The following MYBPC2 variants were observed in gnomAD, a reference collection of about 807,000 sequenced individuals.
MYBPC2 encodes myosin binding protein C2.
MYBPC2 carries 122 observed loss-of-function variants against 137.0 expected under a neutral mutation model. That is an observed-to-expected ratio of 0.89 (90% CI 0.77 to 1.03). MYBPC2 has a LOEUF of 1.03. Among genes scored for constraint, MYBPC2 ranks in the 50% least tolerant of loss-of-function variants. The pLI, the probability that MYBPC2 is intolerant of heterozygous loss-of-function variation, is 0.00. For synonymous variants in MYBPC2, 626 were observed against 612.3 expected, an observed-to-expected ratio of 1.02 and a Z score of -0.33; for missense variants, 1,500 against 1,534.4, an observed-to-expected ratio of 0.98 and a Z score of 0.37.
chr19:50,448,191 A>G (rs369701742), intron 12 of MYBPC2, 34 bp from the exon 13 acceptor site: 8 of 1,593,838 alleles, frequency 5.0e-6, no homozygotes, highest in Admixed American at 1.8e-5. Flanking sequence ...TGACTAGAGT[A>G]GTGACGGCTC....
rs375654137 is a variant in MYBPC2, at chr19:50,455,586, G to T, written c.2280G>T (p.Pro760=). Residue 760 remains proline, a synonymous_variant, in exon 20 of 28, where the codon CCG becomes CCT. Coordinates refer to ENST00000357701, the MANE Select transcript of MYBPC2 (RefSeq NM_004533.4). ...CCACCACACTCAAGTGGAGGCCTCC[G>T]AACAGGATCGGGGCAGGTGGCATCG... ...DTTTTLKWRP[P]NRIGAGGIDG... is the part of the protein sequence containing the mutation. 56 of 1,613,862 alleles carry T rather than the reference G, an allele frequency of 3.5e-5. No individual in the cohort carries two copies. Among genetic ancestry groups the T allele is most frequent in the Non-Finnish European group, 4.6e-5 (54 of 1,179,900 alleles).
At chr19:50,452,775 C>G (rs2122603135) in intron 16 of MYBPC2, among the ~76,000 whole-genome samples, 1 of 152,212 alleles carries the variant, frequency 6.6e-6, no homozygotes, top group South Asian at 2.1e-4. Context: ...CCGGGCTGGG[C>G]TCAAACTCCT....
At chr19:50,456,383 TC>T (rs2039914131) in intron 20 of MYBPC2, among the ~76,000 whole-genome samples, 1 of 146,964 alleles carries the variant, frequency 6.8e-6, no homozygotes, top group Admixed American at 6.8e-5. Flanking sequence ...CATCTATCCA[TC>T]CATCCATCCA....
chr19:50,461,942 G>A lies in MYBPC2; in HGVS notation c.3134G>A (p.Arg1045Gln), dbSNP rs780178231. Residue 1045 changes from arginine (R) to glutamine (Q), a missense_variant, in exon 26 of 28, where the codon CGG becomes CAG. Coordinates refer to ENST00000357701, the MANE Select transcript of MYBPC2 (RefSeq NM_004533.4). ...KPFEYKEHDF[R>Q]MAPKFLTPLI... ...TTCGAGTATAAGGAGCATGACTTCCGGATGGCTCCCAAGTTCCTGACACCT... is the reference window on the plus strand; with the variant it reads ...TTCGAGTATAAGGAGCATGACTTCCAGATGGCTCCCAAGTTCCTGACACCT... The A allele has an allele frequency of 5.6e-6, 9 of 1,593,238 alleles. No individual in the cohort carries two copies. The highest frequency in any genetic ancestry group is 1.6e-4 in the Middle Eastern group (1 of 6,068).
chr19:50,464,573 C>G (rs777354241), intron 27 of MYBPC2, 41 bp downstream of exon 27: 5 of 1,553,420 alleles, frequency 3.2e-6, no homozygotes, highest in Admixed American at 1.9e-5. Flanking sequence ...GACCCTTGCT[C>G]GGGCCCTGTG....
Position 50,458,600 on chromosome 19 carries a change from C to T in MYBPC2, c.2352C>T (p.Val784=), listed in dbSNP as rs1480498983. The part of the protein sequence containing the change: ...EYCLEGSEEW[V]PANTEPVERC... ...CTCTCTCTCCAGCCGAGGAATGGGT[C>T]CCTGCCAACACCGAGCCCGTGGAGC... The change falls in exon 21 of 28, where the codon GTC becomes GTT. Residue 784 remains valine, a synonymous_variant. Transcript: ENST00000357701. 3 of 1,612,148 alleles carry T rather than the reference C, an allele frequency of 1.9e-6. No individual in the cohort carries two copies. Among genetic ancestry groups the T allele is most frequent in the African/African-American group, 1.3e-5 (1 of 74,916 alleles).
chr19:50,462,900 G>A (rs2039984132), intron 26 of MYBPC2, among the ~76,000 whole-genome samples: 1 of 152,212 alleles, frequency 6.6e-6, no homozygotes, highest in Non-Finnish European at 1.5e-5. Flanking sequence ...TGTCTCGGCA[G>A]CTTGAGGAGA....
intron 26 of MYBPC2, 25 bp downstream of exon 26, chr19:50,462,061 G>C: frequency 6.4e-7 from 1 of 1,561,840 alleles, no homozygotes; most frequent in Non-Finnish European, 8.7e-7. Context: ...ACCCAGATCT[G>C]CGTGTGTGTT....
rs148920095 is a variant in MYBPC2 at position 50,448,572 on chromosome 19, G to A, written c.1472+182G>A. On this transcript the variant is annotated intron_variant, in intron 13 of 27. Transcript: ENST00000357701. ...CAACCTCCGCCTCCCGGATTCAAGC[G>A]ATTCTCCTGCCTCAGCCTCCCAAGT... Among the ~76,000 whole-genome samples, 614 of 152,030 alleles carry A rather than the reference G, an allele frequency of 4.0e-3. 7 individuals are homozygous for A. Among genetic ancestry groups the A allele is most frequent in the African/African-American group, 0.014 (593 of 41,470 alleles).
intron 9 of MYBPC2, among the ~76,000 whole-genome samples, chr19:50,443,117 T>A (rs73054430): frequency 0.086 from 13,023 of 151,774 alleles, 735 homozygotes; most frequent in African/African-American, 0.15. Context: ...CATAGCGAGA[T>A]CCCATCTCTA....
At chr19:50,442,077 C>T (rs1487687553) in intron 8 of MYBPC2, 104 bp from the exon 9 acceptor site, 3 of 1,406,048 alleles carry the variant, frequency 2.1e-6, no homozygotes, top group Non-Finnish European at 2.8e-6. Context: ...TCACTTTGAC[C>T]TTGGAGAGCC....
At chr19:50,444,954 G>T (rs548732901) in intron 11 of MYBPC2, among the ~76,000 whole-genome samples, 1 of 151,812 alleles carries the variant, frequency 6.6e-6, no homozygotes, top group East Asian at 1.9e-4. Context: ...CTAATTTGGT[G>T]ATAGTGGTGG....
chr19:50,448,777 CTTTT>C (rs71182719), intron 13 of MYBPC2, among the ~76,000 whole-genome samples: 15 of 123,714 alleles, frequency 1.2e-4, no homozygotes, highest in Non-Finnish European at 1.0e-4. Context: ...TTTCTTTTTC[CTTTT>C]TTTTTTTTTT....
chr19:50,449,650 C>G (rs1238444631), intron 13 of MYBPC2, among the ~76,000 whole-genome samples: 1 of 152,250 alleles, frequency 6.6e-6, no homozygotes, highest in Non-Finnish European at 1.5e-5. Context: ...TAACAGTCAA[C>G]ATGGGCTCCA....
At position 50,443,805 on chromosome 19, in the gene MYBPC2, C is replaced by T; in HGVS notation, c.1122C>T (p.Ala374=). 2.5e-6 allele frequency: 4 copies of T among 1,613,546 alleles called. No individual in the cohort carries two copies. Among genetic ancestry groups the T allele is most frequent in the Non-Finnish European group, 3.4e-6 (4 of 1,179,676 alleles). Reference sequence around the variant, plus strand: ...CAGTGGAGGTGTCAGAAGAGGGTGCCCAGGTGATGTGGTAAGTGACCCTTG... The same window carrying T: ...CAGTGGAGGTGTCAGAAGAGGGTGCTCAGGTGATGTGGTAAGTGACCCTTG... ...EMAVEVSEEG[A]QVMWMKDGVE... The change falls in exon 11 of 28, where the codon GCC becomes GCT. Residue 374 remains alanine (A), a synonymous_variant. Coordinates refer to ENST00000357701, the MANE Select transcript of MYBPC2 (RefSeq NM_004533.4).
chr19:50,460,672 C>T (rs1369647029), intron 24 of MYBPC2, among the ~76,000 whole-genome samples: 6 of 152,142 alleles, frequency 3.9e-5, no homozygotes, highest in South Asian at 4.1e-4. Context: ...TGCAGGGTGC[C>T]GGGTGTGTCC....
At chr19:50,462,910 A>G (rs2039984209) in intron 26 of MYBPC2, among the ~76,000 whole-genome samples, 1 of 152,132 alleles carries the variant, frequency 6.6e-6, no homozygotes, top group Admixed American at 6.6e-5. Flanking sequence ...GCTTGAGGAG[A>G]GGACCATTAA....
At position 50,435,917 on chromosome 19, in the gene MYBPC2, A is replaced by C; in HGVS notation, c.196+55A>C. The C allele has an allele frequency of 6.5e-7, 1 of 1,548,704 alleles. No homozygotes were observed. Among genetic ancestry groups the C allele is most frequent in the East Asian group, 2.4e-5 (1 of 41,164 alleles). ...CGGCCCGGACTCCTGGGTCTGAGGG[A>C]GGAGGGGCCAGGGTCTCGTTCTGTC... is the stretch of plus-strand genomic sequence containing the variant. On this transcript the variant is annotated intron_variant, in intron 3 of 27. Coordinates refer to ENST00000357701, the MANE Select transcript of MYBPC2 (RefSeq NM_004533.4). This position sits in a 1 kb window ranked among gnomAD's most constrained non-coding sequence, Gnocchi z 4.8.
rs1456535214 is a variant in MYBPC2, at chr19:50,452,500, G to GTATCTATCTATCTATCTATC, written c.1749+500_1749+501insCTATCTATCTATCTATCTAT. On this transcript the variant is annotated intron_variant, in intron 16 of 27. Coordinates refer to ENST00000357701, the MANE Select transcript of MYBPC2 (RefSeq NM_004533.4). ...TGTATGTATGTATGTATGTATGTATGTATGTATGTATCTATCTATCTATCT... is the reference window on the plus strand; with the variant it reads ...TGTATGTATGTATGTATGTATGTATGTATCTATCTATCTATCTATCTATGTATGTATCTATCTATCTATCT... Among the ~76,000 whole-genome samples, 279 of 93,550 alleles carry GTATCTATCTATCTATCTATC rather than the reference G, an allele frequency of 3.0e-3. 1 individual carries two copies. Among genetic ancestry groups the GTATCTATCTATCTATCTATC allele is most frequent in the Middle Eastern group, 0.013 (2 of 158 alleles). 61.4% of individuals were successfully genotyped at this position (93,550 alleles called of 152,430 possible).
Sources: allele counts gnomAD v4.1 joint callset (sites outside exome capture counted in the v4.1 genomes callset), GRCh38; gene constraint gnomAD v4.1.1; non-coding constraint Gnocchi (gnomAD v3.1); transcripts MANE v1.5; gene names NCBI Gene and HGNC (gene_info 2026-07-23, HGNC 2026-07-21).